AHCYL2: variants seen among roughly 807,000 people sequenced by gnomAD.
AHCYL2 encodes the protein S-adenosylhomocysteine hydrolase-like protein 2.
In AHCYL2, 28 loss-of-function variants were observed where a neutral mutation model predicts 81.4. The observed-to-expected ratio is 0.34, with a 90% CI of 0.25 to 0.47. AHCYL2 has a LOEUF of 0.47. Among genes scored for constraint, AHCYL2 ranks in the 20% least tolerant of loss-of-function variants. The pLI is 1.00. For synonymous variants in AHCYL2, 272 were observed against 290.2 expected, an observed-to-expected ratio of 0.94 and a Z score of 0.64; for missense variants, 551 against 785.1, an observed-to-expected ratio of 0.70 and a Z score of 3.56.
At chr7:129,355,800 C>T (rs1459949236) in intron 1 of AHCYL2, among the ~76,000 whole-genome samples, 2 of 152,242 alleles carry the variant, frequency 1.3e-5, no homozygotes, top group Admixed American at 1.3e-4. Flanking sequence ...GTAAAAAGAT[C>T]TGCTTGCTAA....
At chr7:129,280,276 T>A (rs1001561460) in intron 1 of AHCYL2, among the ~76,000 whole-genome samples, 12 of 151,544 alleles carry the variant, frequency 7.9e-5, no homozygotes, top group Non-Finnish European at 1.3e-4. Context: ...TTCAAGCAGT[T>A]CTTCTGCCTC....
At chr7:129,242,239 T>G (rs1040442817) in intron 1 of AHCYL2, among the ~76,000 whole-genome samples, 1 of 152,156 alleles carries the variant, frequency 6.6e-6, no homozygotes, top group Non-Finnish European at 1.5e-5. Flanking sequence ...TTGCCCAGTC[T>G]GGTCTCAAAC....
intron 1 of AHCYL2, among the ~76,000 whole-genome samples, chr7:129,373,420 AAAAAC>A (rs1794512664): frequency 6.6e-6 from 1 of 151,992 alleles, no homozygotes; most frequent in Non-Finnish European, 1.5e-5. Flanking sequence ...CTCTACTAAA[AAAAAC>A]AAAACAAAAC....
At chr7:129,309,970 TC>T (rs1276258919) in intron 1 of AHCYL2, among the ~76,000 whole-genome samples, 1 of 152,164 alleles carries the variant, frequency 6.6e-6, no homozygotes. Flanking sequence ...TCTTTCAACT[TC>T]CTTCTGACTT....
chr7:129,414,816 A>G (rs1483560012), intron 12 of AHCYL2, among the ~76,000 whole-genome samples: 2 of 152,034 alleles, frequency 1.3e-5, no homozygotes, highest in Non-Finnish European at 2.9e-5. Context: ...GCACGCTTGT[A>G]TTTCTCTCTG....
chr7:129,285,600 T>C (rs998914516), intron 1 of AHCYL2, among the ~76,000 whole-genome samples: 6 of 152,038 alleles, frequency 3.9e-5, no homozygotes, highest in Admixed American at 3.9e-4. Flanking sequence ...CAGAGGGAAA[T>C]GTTCTTCCTG....
chr7:129,340,071 G>A (rs1485982998), intron 1 of AHCYL2, among the ~76,000 whole-genome samples: 3 of 150,426 alleles, frequency 2.0e-5, no homozygotes, highest in Non-Finnish European at 3.0e-5. Context: ...GGCGCACTCC[G>A]CCACGCTTGG....
At chr7:129,287,933 T>C (rs988058710) in intron 1 of AHCYL2, among the ~76,000 whole-genome samples, 3 of 152,220 alleles carry the variant, frequency 2.0e-5, no homozygotes, top group African/African-American at 7.2e-5. Context: ...CCCTGGATTA[T>C]TGGATGCAAA....
chr7:129,360,273 C>T (rs1205860457), intron 1 of AHCYL2, among the ~76,000 whole-genome samples: 5 of 152,100 alleles, frequency 3.3e-5, no homozygotes, highest in East Asian at 1.9e-4. Context: ...TGTACCACCA[C>T]GCTCGGCTAA....
At chr7:129,348,401 C>CA (rs1348321421) in intron 1 of AHCYL2, among the ~76,000 whole-genome samples, 71 of 150,368 alleles carry the variant, frequency 4.7e-4, no homozygotes, top group Non-Finnish European at 7.5e-4. Flanking sequence ...TAACCCCCCC[C>CA]CCACACACAC....
intron 9 of AHCYL2, 90 bp downstream of exon 9, chr7:129,405,989 AC>A: frequency 8.6e-7 from 1 of 1,162,694 alleles, no homozygotes; most frequent in African/African-American, 1.5e-5. Flanking sequence ...ATATGAGTAC[AC>A]CCTTTACCAC....
intron 1 of AHCYL2, among the ~76,000 whole-genome samples, chr7:129,325,326 C>A (rs79378752): frequency 6.6e-6 from 1 of 152,054 alleles, no homozygotes. Context: ...TTTTTCGTTT[C>A]GGTTTTTAAA....
intron 1 of AHCYL2, 102 bp from the exon 2 acceptor site, chr7:129,379,536 G>A: frequency 3.9e-6 from 3 of 768,262 alleles, no homozygotes; most frequent in Non-Finnish European, 6.4e-6. Flanking sequence ...GATACAATCA[G>A]ATCAACTGTT....
chr7:129,424,297 G>A (rs1797254961), intron 13 of AHCYL2, among the ~76,000 whole-genome samples: 1 of 152,014 alleles, frequency 6.6e-6, no homozygotes, highest in Non-Finnish European at 1.5e-5. Context: ...TTACTCTGGA[G>A]GCTGAGGCAG....
At chr7:129,234,655 A>G (rs186297377) in intron 1 of AHCYL2, among the ~76,000 whole-genome samples, 5 of 152,038 alleles carry the variant, frequency 3.3e-5, no homozygotes, top group African/African-American at 4.8e-5. Context: ...CGCTGCACCC[A>G]GCCACATTTT....
In AHCYL2 at chr7:129,410,454, G is replaced by A. The variant is rs923492191; in HGVS notation, c.1366+908G>A. On this transcript the variant is annotated intron_variant, in intron 11 of 16. Coordinates refer to ENST00000325006, the MANE Select transcript of AHCYL2 (RefSeq NM_015328.4). Reference sequence around the variant, plus strand: ...CTCAGCGTCCAAACAGATCTTAAATGTGTACGTCATTCATTAAACAAACAC... The same window carrying A: ...CTCAGCGTCCAAACAGATCTTAAATATGTACGTCATTCATTAAACAAACAC... 5 of 1,286,164 alleles carry A rather than the reference G, an allele frequency of 3.9e-6. No individual in the cohort carries two copies. In the African/African-American group the frequency reaches 5.8e-5, roughly 15 times the overall value. The allele number at this position is 1,286,164 out of a possible 1,614,324, so 79.7% of individuals were successfully genotyped here. A position where few individuals can be genotyped will look rare whatever the true frequency, so the allele number is the denominator to read the frequency against.
chr7:129,240,618 A>G (rs937542330), intron 1 of AHCYL2, among the ~76,000 whole-genome samples: 1 of 151,892 alleles, frequency 6.6e-6, no homozygotes, highest in African/African-American at 2.4e-5. Flanking sequence ...TGATGCACTC[A>G]GCATGCTTAG....
intron 1 of AHCYL2, among the ~76,000 whole-genome samples, chr7:129,281,489 A>ATTTTTTTTTTT (rs34422629): frequency 1.3e-5 from 1 of 74,146 alleles, no homozygotes; most frequent in African/African-American, 5.8e-5. Flanking sequence ...CTGTTTCTAG[A>ATTTTTTTTTTT]TTTTTTTTTT....
intron 1 of AHCYL2, among the ~76,000 whole-genome samples, chr7:129,273,486 G>A (rs1332351085): frequency 6.6e-6 from 1 of 151,656 alleles, no homozygotes; most frequent in African/African-American, 2.4e-5. Context: ...GCATCACCAC[G>A]CCTGGCTAAT....
Sources: gnomAD v4.1 joint callset for allele counts (sites outside exome capture counted in the v4.1 genomes callset) on GRCh38, gnomAD v4.1.1 for gene constraint, MANE v1.5 for transcripts, NCBI Gene and HGNC (gene_info 2026-07-23, HGNC 2026-07-21) for gene names.